Variants in PITPNM2 observed in about 807,000 individuals in gnomAD.
PITPNM2 encodes membrane-associated phosphatidylinositol transfer protein 2.
Under a neutral mutation model 132.2 loss-of-function variants are expected in PITPNM2, and 35 were observed. The observed-to-expected ratio is 0.26, with a 90% CI of 0.20 to 0.35. The LOEUF is 0.35. Among genes scored for constraint, PITPNM2 ranks in the 10% least tolerant of loss-of-function variants. The pLI, the probability that PITPNM2 is intolerant of heterozygous loss-of-function variation, is 1.00. For synonymous variants in PITPNM2, 738 were observed against 799.2 expected (o/e 0.92, Z 1.29); for missense variants, 1,332 against 1,912.0 (o/e 0.70, Z 5.66).
intron 2 of PITPNM2, among the ~76,000 whole-genome samples, chr12:123,057,588 A>C (rs2041077638): frequency 6.6e-6 from 1 of 152,112 alleles, no homozygotes; most frequent in African/African-American, 2.4e-5. Context: ...GTGGTTTCTA[A>C]GTGCTCTCTC....
Position 122,994,121 on chromosome 12 carries a change from G to A in PITPNM2, c.2233+680C>T, listed in dbSNP as rs535081585. Reference sequence around the variant, plus strand: ...ACTCCTGACCTCAGCTGATCCGCCCGCCTCGGCCTCCCAAAGTGCTGGATT... The same window carrying A: ...ACTCCTGACCTCAGCTGATCCGCCCACCTCGGCCTCCCAAAGTGCTGGATT... On this transcript the variant is annotated intron_variant, in intron 15 of 25. Transcript: ENST00000320201. The surrounding 1 kb of genome is among the most constrained non-coding windows in gnomAD (Gnocchi z 5.4). Among the ~76,000 whole-genome samples the A allele has an allele frequency of 2.0e-3, 304 of 152,260 alleles. No individual in the cohort carries two copies. Among genetic ancestry groups the A allele is most frequent in the African/African-American group, 6.7e-3 (279 of 41,534 alleles).
intron 2 of PITPNM2, among the ~76,000 whole-genome samples, chr12:123,100,661 G>A (rs1442678686): frequency 6.6e-6 from 1 of 151,904 alleles, no homozygotes; most frequent in Non-Finnish European, 1.5e-5. Context: ...ACTGACATAT[G>A]GTACAGCACG....
At chr12:123,132,335 G>A (rs1267611250) in intron 1 of PITPNM2, among the ~76,000 whole-genome samples, 1 of 152,096 alleles carries the variant, frequency 6.6e-6, no homozygotes, top group Admixed American at 6.5e-5. Context: ...GCTGAGCAAG[G>A]AGCTCTCAGC....
chr12:123,061,532 G>A (rs1197017213), intron 2 of PITPNM2, among the ~76,000 whole-genome samples: 1 of 152,246 alleles, frequency 6.6e-6, no homozygotes, highest in Non-Finnish European at 1.5e-5. Flanking sequence ...GGCATGGCTT[G>A]GGCAGGGTGG....
At position 123,010,030 on chromosome 12, in the gene PITPNM2, T is replaced by C. The variant is rs2039116451; in HGVS notation, c.463A>G (p.Thr155Ala). 6 of 1,614,042 alleles carry C rather than the reference T, an allele frequency of 3.7e-6. No homozygotes were observed. The highest frequency in any genetic ancestry group is 5.1e-6 in the Non-Finnish European group (6 of 1,180,024). The change falls in exon 6 of 26, where the codon ACA (threonine) becomes GCA (alanine). Residue 155 changes from threonine to alanine, a missense_variant. Thr to Ala is a moderately conservative substitution (Grantham distance 58). Coordinates refer to ENST00000320201, the MANE Select transcript of PITPNM2 (RefSeq NM_020845.3). Reference sequence around the variant, plus strand: ...TGGAACAGCTTGGGGTCCTCTTCTGTCTTATACTCGTTGTGGGGCACAGGG... The same window carrying C: ...TGGAACAGCTTGGGGTCCTCTTCTGCCTTATACTCGTTGTGGGGCACAGGG... ...KDPVPHNEYK[T>A]EEDPKLFQST...
intron 2 of PITPNM2, among the ~76,000 whole-genome samples, chr12:123,080,764 A>G (rs1027709264): frequency 6.6e-6 from 1 of 152,238 alleles, no homozygotes; most frequent in African/African-American, 2.4e-5. Flanking sequence ...CTAGCCAGTC[A>G]TCACCCCTCT....
At chr12:123,113,502 C>T (rs2042880292) in intron 1 of PITPNM2, among the ~76,000 whole-genome samples, 1 of 152,190 alleles carries the variant, frequency 6.6e-6, no homozygotes, top group Non-Finnish European at 1.5e-5. Flanking sequence ...GAGTTCAAGA[C>T]AAGCCTGGGC....
At position 123,111,315 on chromosome 12, in the gene PITPNM2, G is replaced by A. The variant is rs2042828999; in HGVS notation, c.-199-827C>T. Among the ~76,000 whole-genome samples the A allele has an allele frequency of 6.6e-6, 1 of 152,242 alleles. No individual in the cohort carries two copies. Among genetic ancestry groups the A allele is most frequent in the South Asian group, 2.1e-4 (1 of 4,836 alleles). ...AGGGCTCTCCAATGACCATGACAGA[G>A]AGGCTGCTTATCTGCTGGCTATGGA... is the stretch of plus-strand genomic sequence containing the variant. On this transcript the variant is annotated intron_variant, in intron 1 of 25. Transcript: ENST00000320201. This position sits in a 1 kb window ranked among gnomAD's most constrained non-coding sequence, Gnocchi z 4.1.
intron 1 of PITPNM2, among the ~76,000 whole-genome samples, chr12:123,146,156 G>A (rs1015712882): frequency 2.6e-5 from 4 of 152,106 alleles, no homozygotes; most frequent in African/African-American, 9.7e-5. Context: ...ACTTATTGGA[G>A]GGTGGAGGGT....
intron 16 of PITPNM2, among the ~76,000 whole-genome samples, 157 bp from the exon 17 acceptor site, chr12:122,990,866 G>A (rs1022037483): frequency 6.6e-6 from 1 of 152,192 alleles, no homozygotes; most frequent in Non-Finnish European, 1.5e-5. Flanking sequence ...AGAGGAAGGG[G>A]CCCAGAGCTT....
At chr12:123,028,725 A>G (rs958331378) in intron 3 of PITPNM2, among the ~76,000 whole-genome samples, 1 of 152,210 alleles carries the variant, frequency 6.6e-6, no homozygotes, top group Non-Finnish European at 1.5e-5. Flanking sequence ...TTTTGAGTCC[A>G]TCACCCCACA....
In PITPNM2 at chr12:122,994,957, T is replaced by C; in HGVS notation, c.2077A>G (p.Thr693Ala). Residue 693 changes from threonine to alanine, a missense_variant, in exon 15 of 26, where the codon ACT (threonine) becomes GCT (alanine). Thr to Ala is a moderately conservative substitution (Grantham distance 58). Around this residue, in one of 6 missense-constraint regions of PITPNM2, gnomAD observed 710 missense variants for 911.5 expected, o/e 0.78. Coordinates refer to ENST00000320201, the MANE Select transcript of PITPNM2 (RefSeq NM_020845.3). The surrounding 1 kb of genome is among the most constrained non-coding windows in gnomAD (Gnocchi z 5.4). ...LSSLHASVLR[T>A]EPCSRHSSSS... ...CTGGAATGGCGTGAGCAGGGCTCAG[T>C]CCTCAGCACGCTGGCATGGAGGCTG... The C allele has an allele frequency of 1.2e-6, 2 of 1,609,428 alleles. No individual in the cohort carries two copies. The highest frequency in any genetic ancestry group is 1.7e-6 in the Non-Finnish European group (2 of 1,179,122).
At chr12:123,045,085 C>T (rs559648066) in intron 2 of PITPNM2, among the ~76,000 whole-genome samples, 11 of 152,326 alleles carry the variant, frequency 7.2e-5, no homozygotes, top group African/African-American at 2.6e-4. Context: ...GGGGCCCATG[C>T]CCTCTTGTCA....
rs537697984 is a variant in PITPNM2 at position 123,137,820 on chromosome 12, G to A, written c.-200+12933C>T. On this transcript the variant is annotated intron_variant, in intron 1 of 25. Coordinates refer to ENST00000320201, the MANE Select transcript of PITPNM2 (RefSeq NM_020845.3). Reference sequence around the variant, plus strand: ...AGGCAGGAGAATCACTTGAACCCGGGAGATGGAGGCTGCAGTGAGCCAAGA... The same window carrying A: ...AGGCAGGAGAATCACTTGAACCCGGAAGATGGAGGCTGCAGTGAGCCAAGA... 2.0e-5 allele frequency among the ~76,000 whole-genome samples: 3 copies of A among 150,924 alleles called. No individual in the cohort carries two copies. The Admixed American group carries it at 2.0e-4, about 10-fold the overall frequency.
chr12:123,052,598 G>A (rs1000639264), intron 2 of PITPNM2, among the ~76,000 whole-genome samples: 2 of 152,054 alleles, frequency 1.3e-5, no homozygotes, highest in East Asian at 1.9e-4. Context: ...CAGCTACAGC[G>A]ACAGAGCAAG....
chr12:122,995,520 C>G lies in PITPNM2; in HGVS notation c.1923G>C (p.Leu641=), dbSNP rs758915023. Residue 641 remains leucine (L), a synonymous_variant, in exon 14 of 26, where the codon CTG becomes CTC. Coordinates refer to ENST00000320201, the MANE Select transcript of PITPNM2 (RefSeq NM_020845.3). ...GGSSLESSRH[L]SRSNVDIPRS... ...GGGGGATGTCGACGTTGCTTCGGCT[C>G]AGGTGCCGACTGCTCTCCAGGCTGG... The G allele has an allele frequency of 6.2e-7, 1 of 1,612,938 alleles. No homozygotes were observed. Among genetic ancestry groups the G allele is most frequent in the South Asian group, 1.1e-5 (1 of 91,086 alleles).
intron 2 of PITPNM2, among the ~76,000 whole-genome samples, chr12:123,057,494 T>A (rs2041074667): frequency 6.6e-6 from 1 of 152,054 alleles, no homozygotes; most frequent in African/African-American, 2.4e-5. Context: ...AATGGTACCA[T>A]TGGTCTCCTC....
intron 1 of PITPNM2, among the ~76,000 whole-genome samples, chr12:123,137,975 G>A (rs2043419194): frequency 6.6e-6 from 1 of 152,002 alleles, no homozygotes; most frequent in Admixed American, 6.6e-5. Context: ...TTGGAAATGG[G>A]ACAACTGATG....
At chr12:123,144,682 G>A (rs570971362) in intron 1 of PITPNM2, among the ~76,000 whole-genome samples, 126 of 151,858 alleles carry the variant, frequency 8.3e-4, no homozygotes, top group Non-Finnish European at 1.5e-3. Context: ...TGCCCACCTC[G>A]GCCTCCCAAA....
Sources: allele counts gnomAD v4.1 joint callset (sites outside exome capture counted in the v4.1 genomes callset), GRCh38; gene constraint gnomAD v4.1.1; regional missense constraint gnomAD v4.1.1; non-coding constraint Gnocchi (gnomAD v3.1); transcripts MANE v1.5; gene names NCBI Gene and HGNC (gene_info 2026-07-23, HGNC 2026-07-21).